Variants in KIAA1191 observed in about 807,000 individuals in gnomAD.
KIAA1191 encodes the protein putative monooxygenase p33MONOX.
A neutral mutation model predicts 31.1 loss-of-function variants in KIAA1191; 22 were observed. The observed-to-expected ratio is 0.71, with a 90% confidence interval of 0.51 to 1.01. KIAA1191 has a LOEUF of 1.01. KIAA1191 is among the 50% of genes least tolerant of loss of function. The pLI is 0.00. For missense variants in KIAA1191, 319 were observed against 388.0 expected (o/e 0.82, Z 1.49); for synonymous variants, 130 against 143.9 (o/e 0.90, Z 0.69).
intron 3 of KIAA1191, 123 bp downstream of exon 3, chr5:176,359,358 T>A: frequency 1.1e-6 from 1 of 879,364 alleles, no homozygotes; most frequent in East Asian, 2.5e-5. Flanking sequence ...ATCTAGTAAA[T>A]CTAAATACTC....
In KIAA1191 at chr5:176,361,013, C is replaced by T. The variant is rs1767955190; in HGVS notation, c.-168+589G>A. 6.6e-6 allele frequency among the ~76,000 whole-genome samples: 1 copy of T among 152,068 alleles called. No individual in the cohort carries two copies. Among genetic ancestry groups the T allele is most frequent in the Non-Finnish European group, 1.5e-5 (1 of 68,026 alleles). On this transcript the variant is annotated intron_variant, in intron 1 of 8. Coordinates refer to ENST00000298569, the MANE Select transcript of KIAA1191 (RefSeq NM_020444.5). This position sits in a 1 kb window ranked among gnomAD's most constrained non-coding sequence, Gnocchi z 4.0. ...TCAGCTTGCTACACCGTCCCTCTAT[C>T]CCGATAGGACTCAGACAGAGCAAAC...
At chr5:176,352,843 CATT>C in intron 4 of KIAA1191, 95 bp from the exon 5 acceptor site, 2 of 1,324,574 alleles carry the variant, frequency 1.5e-6, no homozygotes, top group South Asian at 3.1e-5. Flanking sequence ...ACTGAAATAA[CATT>C]AATCTGGTAA....
Position 176,350,743 on chromosome 5 carries a change from A to T in KIAA1191, c.335-6T>A. 6.2e-7 allele frequency: 1 copy of T among 1,613,700 alleles called. No homozygotes were observed. The highest frequency in any genetic ancestry group is 1.3e-5 in the African/African-American group (1 of 74,986). On this transcript the variant is annotated splice_polypyrimidine_tract_variant and splice_region_variant and intron_variant, in intron 5 of 8. Coordinates refer to ENST00000298569, the MANE Select transcript of KIAA1191 (RefSeq NM_020444.5). ...AATGCTTTCCTGGGTCTGTTCTGGG[A>T]ACAGAGGAGATGACAGTCATGCCCA...
intron 6 of KIAA1191, among the ~76,000 whole-genome samples, chr5:176,349,624 G>A (rs1766816354): frequency 6.6e-6 from 1 of 152,130 alleles, no homozygotes; most frequent in Non-Finnish European, 1.5e-5. Flanking sequence ...AGTGAGCCGA[G>A]ATCACAACAC....
rs1767670840 is a variant in KIAA1191, at chr5:176,358,268, G to A, written c.28+1213C>T. On this transcript the variant is annotated intron_variant, in intron 3 of 8. Coordinates refer to ENST00000298569, the MANE Select transcript of KIAA1191 (RefSeq NM_020444.5). The stretch of plus-strand genomic sequence containing the variant: ...CCAAAAAGGTGAGTTTAATCACTTT[G>A]GTACATACTACAAGAACTGCACAAC... Among the ~76,000 whole-genome samples the A allele has an allele frequency of 2.6e-5, 4 of 152,176 alleles. No individual in the cohort carries two copies. The South Asian group carries it at 8.3e-4, about 32-fold the overall frequency.
chr5:176,346,166 A>G lies in KIAA1191; in HGVS notation c.*1434T>C, dbSNP rs569532767. 5 of 152,342 alleles carry G rather than the reference A, an allele frequency of 3.3e-5. No individual in the cohort carries two copies. The highest frequency in any genetic ancestry group is 7.3e-5 in the Non-Finnish European group (5 of 68,032). 9.4% of individuals were successfully genotyped at this position (152,342 alleles called of 1,614,324 possible). ...TTTAGACTCCAGGGCCTCTCTATGG[A>G]AAGGCCAGCTTCTTATACAGACAAG... is the stretch of plus-strand genomic sequence containing the variant. On this transcript the variant is annotated 3_prime_UTR_variant, in exon 9 of 9. Transcript: ENST00000298569.
At position 176,347,198 on chromosome 5, in the gene KIAA1191, C is replaced by G. The variant is rs1008765633; in HGVS notation, c.*402G>C. On this transcript the variant is annotated 3_prime_UTR_variant, in exon 9 of 9. Transcript: ENST00000298569. The stretch of plus-strand genomic sequence containing the variant: ...TAGCCTCAATTTAATAGGTTTTTTA[C>G]TTTACTTTATTTATTTATTTATTGA... 7.2e-5 allele frequency: 11 copies of G among 152,756 alleles called. No homozygotes were observed. The highest frequency in any genetic ancestry group is 2.7e-4 in the African/African-American group (11 of 41,410). 9.5% of individuals were successfully genotyped at this position (152,756 alleles called of 1,614,324 possible).
At chr5:176,349,621 C>G (rs1426417727) in intron 6 of KIAA1191, among the ~76,000 whole-genome samples, 1 of 152,042 alleles carries the variant, frequency 6.6e-6, no homozygotes, top group Non-Finnish European at 1.5e-5. Context: ...TGCAGTGAGC[C>G]GAGATCACAA....
chr5:176,358,593 G>A (rs1181443577), intron 3 of KIAA1191, among the ~76,000 whole-genome samples: 1 of 152,188 alleles, frequency 6.6e-6, no homozygotes, highest in Non-Finnish European at 1.5e-5. Context: ...GCAGGCAGCT[G>A]TAATCCCAGC....
rs1446495901 is a variant in KIAA1191 at position 176,347,081 on chromosome 5, CTAACTT to C, written c.*513_*518del. The C allele has an allele frequency of 2.6e-5, 4 of 152,202 alleles. No homozygotes were observed. Among genetic ancestry groups the C allele is most frequent in the Admixed American group, 6.5e-5 (1 of 15,272 alleles). 9.4% of individuals were successfully genotyped at this position (152,202 alleles called of 1,614,324 possible). Reference sequence around the variant, plus strand: ...ATACACCCGTGCTGAGAATATTAGTCTAACTTTAAAGCAGTACAAAATGGCTTCTTC... The same window carrying C: ...ATACACCCGTGCTGAGAATATTAGTCTAAAGCAGTACAAAATGGCTTCTTC... On this transcript the variant is annotated 3_prime_UTR_variant, in exon 9 of 9. Transcript: ENST00000298569.
Position 176,348,405 on chromosome 5 carries a change from C to T in KIAA1191, c.460-49G>A, listed in dbSNP as rs1269084493. ...GACTTTTTAAAAATGAAAGCAAATT[C>T]CAAACAGATAAGTCTAGGCATAAAA... On this transcript the variant is annotated intron_variant, in intron 6 of 8. Coordinates refer to ENST00000298569, the MANE Select transcript of KIAA1191 (RefSeq NM_020444.5). 1.6e-5 allele frequency: 23 copies of T among 1,433,850 alleles called. 1 individual carries two copies. The highest frequency in any genetic ancestry group is 2.2e-5 in the Non-Finnish European group (23 of 1,024,340). The allele number at this position is 1,433,850 out of a possible 1,614,324, so 88.8% of individuals were successfully genotyped here. A position where few individuals can be genotyped will look rare whatever the true frequency, so the allele number is the denominator to read the frequency against.
At position 176,355,243 on chromosome 5, in the gene KIAA1191, A is replaced by C. The variant is rs181241643; in HGVS notation, c.207+328T>G. Among the ~76,000 whole-genome samples the C allele has an allele frequency of 1.6e-3, 239 of 152,196 alleles. 1 individual carries two copies. The highest frequency in any genetic ancestry group is 5.5e-3 in the African/African-American group (230 of 41,522). On this transcript the variant is annotated intron_variant, in intron 4 of 8. Coordinates refer to ENST00000298569, the MANE Select transcript of KIAA1191 (RefSeq NM_020444.5). This position sits in a 1 kb window ranked among gnomAD's most constrained non-coding sequence, Gnocchi z 4.2. ...TCTAGTTTTGAATTAAAAAGAAAAAAAAAAGGAGGGAGATTTAAAAAACCA... is the reference window on the plus strand; with the variant it reads ...TCTAGTTTTGAATTAAAAAGAAAAACAAAAGGAGGGAGATTTAAAAAACCA...
rs746204405 is a variant in KIAA1191 at position 176,350,630 on chromosome 5, C to T, written c.442G>A (p.Val148Met). The T allele has an allele frequency of 6.2e-7, 1 of 1,613,978 alleles. No homozygotes were observed. The highest frequency in any genetic ancestry group is 2.2e-5 in the East Asian group (1 of 44,872). The change falls in exon 6 of 9, where the codon GTG (valine) becomes ATG (methionine). Residue 148 changes from valine (V) to methionine (M), a missense_variant. Coordinates refer to ENST00000298569, the MANE Select transcript of KIAA1191 (RefSeq NM_020444.5). ...GAGCTTACGTGGAGTGCTTCGGCCA[C>T]TCGAAGGTACTTGGTCTCCTCGGTG... The part of the protein sequence containing the change: ...LTTEETKYLR[V>M]AEALHKLKLQ...
In KIAA1191 at chr5:176,348,244, G is replaced by A. The variant is rs368321971; in HGVS notation, c.566+6C>T. 2.2e-5 allele frequency: 35 copies of A among 1,612,222 alleles called. No homozygotes were observed. The Admixed American group carries it at 2.5e-4, about 12-fold the overall frequency. On this transcript the variant is annotated splice_donor_region_variant and intron_variant, in intron 7 of 8. Coordinates refer to ENST00000298569, the MANE Select transcript of KIAA1191 (RefSeq NM_020444.5). ...GGAACTCGGAAGGGTCACAGGAAGG[G>A]CTCACCTGGGCCTCTGCTTAGGTGA...
rs1768019552 is a variant in KIAA1191, at chr5:176,361,584, G to C, written c.-168+18C>G. On this transcript the variant is annotated intron_variant, in intron 1 of 8. Transcript: ENST00000298569. The surrounding 1 kb of genome is among the most constrained non-coding windows in gnomAD (Gnocchi z 4.0). ...GAACGCAGCCCCAAGGGAGGGCCCA[G>C]GCCCGCCATCTGTTCACCTGTGATC... 6.6e-6 allele frequency: 1 copy of C among 152,372 alleles called. No homozygotes were observed. The highest frequency in any genetic ancestry group is 2.4e-5 in the African/African-American group (1 of 41,474). 9.4% of individuals were successfully genotyped at this position (152,372 alleles called of 1,614,324 possible).
chr5:176,350,830 C>A, intron 5 of KIAA1191, 93 bp from the exon 6 acceptor site: 1 of 1,460,752 alleles, frequency 6.8e-7, no homozygotes, highest in Non-Finnish European at 9.3e-7. Flanking sequence ...TCCCCAGAAG[C>A]AAGAGACCAC....
intron 6 of KIAA1191, among the ~76,000 whole-genome samples, chr5:176,349,703 A>G (rs1766824159): frequency 6.6e-6 from 1 of 152,114 alleles, no homozygotes; most frequent in South Asian, 2.1e-4. Context: ...CCCCACCCAC[A>G]GGCCACCAGA....
At chr5:176,360,811 A>G (rs1455936023) in intron 1 of KIAA1191, among the ~76,000 whole-genome samples, 3 of 152,018 alleles carry the variant, frequency 2.0e-5, no homozygotes, top group African/African-American at 7.2e-5. Flanking sequence ...AAAAATAAAA[A>G]TTAAAAAAAT....
Position 176,350,590 on chromosome 5 carries a change from T to C in KIAA1191, c.459+23A>G, listed in dbSNP as rs758274368. ...GCCATGAACACTGAAGGTTTTGTTT[T>C]TTCAAAGTTCCTAAGAGCTTACGTG... On this transcript the variant is annotated intron_variant, in intron 6 of 8. Transcript: ENST00000298569. The C allele has an allele frequency of 4.3e-6, 7 of 1,609,258 alleles. No homozygotes were observed. The East Asian group carries it at 1.6e-4, about 36-fold the overall frequency.
Sources: gnomAD v4.1 joint callset for allele counts (sites outside exome capture counted in the v4.1 genomes callset) on GRCh38, gnomAD v4.1.1 for gene constraint, Gnocchi (gnomAD v3.1) non-coding constraint, MANE v1.5 for transcripts, NCBI Gene and HGNC (gene_info 2026-07-23, HGNC 2026-07-21) for gene names.